Variants in PLD5 observed in about 807,000 individuals in gnomAD.
PLD5 encodes phospholipase D family member 5, also known as inactive phospholipase D5.
PLD5 carries 36 observed loss-of-function variants against 61.1 expected under a neutral mutation model. The observed-to-expected ratio is 0.59, with a 90% CI of 0.45 to 0.78. PLD5 has a LOEUF of 0.78. PLD5 is among the 30% of genes least tolerant of loss of function. The probability of loss-of-function intolerance (pLI) is 0.00; values close to 1 mark genes in which losing one functional copy is unlikely to be tolerated. For synonymous variants in PLD5, 243 were observed against 242.8 expected (o/e 1.00, Z -0.01); for missense variants, 515 against 644.4 (o/e 0.80, Z 2.17).
At chr1:242,390,705 G>A (rs1358437723) in intron 1 of PLD5, among the ~76,000 whole-genome samples, 3 of 152,136 alleles carry the variant, frequency 2.0e-5, no homozygotes, top group African/African-American at 7.2e-5. Context: ...TTAATATGTG[G>A]TTTGGCATGA....
intron 1 of PLD5, among the ~76,000 whole-genome samples, chr1:242,456,872 G>A (rs955608351): frequency 1.3e-5 from 2 of 152,120 alleles, no homozygotes; most frequent in South Asian, 2.1e-4. Flanking sequence ...ATCCCCGCCC[G>A]ACACTGCGTC....
At chr1:242,206,297 A>C (rs946180834) in intron 5 of PLD5, among the ~76,000 whole-genome samples, 2 of 152,194 alleles carry the variant, frequency 1.3e-5, no homozygotes, top group South Asian at 4.1e-4. Flanking sequence ...CCTCTGGCTG[A>C]GTTCTTACAG....
rs74150865 is a variant in PLD5, at chr1:242,221,951, C to T, written c.608-1836G>A. Among the ~76,000 whole-genome samples the T allele has an allele frequency of 8.9e-3, 1,361 of 152,224 alleles. 22 individuals carry two copies. The highest frequency in any genetic ancestry group is 0.031 in the African/African-American group (1,301 of 41,542). The stretch of plus-strand genomic sequence containing the variant: ...CTTAAAACAGCAGAAACTTATCCTC[C>T]GTTCTGGAGGTTAGAAGTCCAAAAC... On this transcript the variant is annotated intron_variant, in intron 4 of 9. Coordinates refer to ENST00000536534, the MANE Select transcript of PLD5 (RefSeq NM_001372062.1).
At chr1:242,362,964 C>T (rs114246977) in intron 1 of PLD5, among the ~76,000 whole-genome samples, 3,232 of 152,230 alleles carry the variant, frequency 0.021, 51 homozygotes, top group East Asian at 0.033. Flanking sequence ...AGCAGGACCT[C>T]GAAAGAGTCC....
At chr1:242,173,509 C>T (rs1290418205) in intron 5 of PLD5, among the ~76,000 whole-genome samples, 2 of 152,146 alleles carry the variant, frequency 1.3e-5, no homozygotes, top group African/African-American at 2.4e-5. Context: ...CCATCCCCAT[C>T]AAGCTACCAA....
intron 5 of PLD5, among the ~76,000 whole-genome samples, chr1:242,182,121 A>G (rs1293756358): frequency 5.3e-5 from 8 of 152,122 alleles, no homozygotes; most frequent in African/African-American, 1.9e-4. Flanking sequence ...TAAAGGGAGA[A>G]CTCAGTTGGC....
intron 1 of PLD5, among the ~76,000 whole-genome samples, chr1:242,357,805 C>T (rs1660842342): frequency 6.6e-6 from 1 of 152,056 alleles, no homozygotes; most frequent in African/African-American, 2.4e-5. Flanking sequence ...CTTTTTGATC[C>T]AATATTTCTT....
At chr1:242,338,377 G>A (rs1659646992) in intron 2 of PLD5, among the ~76,000 whole-genome samples, 1 of 151,962 alleles carries the variant, frequency 6.6e-6, no homozygotes, top group Non-Finnish European at 1.5e-5. Flanking sequence ...CAGGTTGTCT[G>A]TGGAAAACAC....
At chr1:242,121,965 T>C (rs1006850973) in intron 6 of PLD5, among the ~76,000 whole-genome samples, 2 of 138,908 alleles carry the variant, frequency 1.4e-5, no homozygotes, top group Non-Finnish European at 3.1e-5. Context: ...GGGGGAGGGA[T>C]AGCATTAGGA....
At chr1:242,363,596 T>G (rs1311840563) in intron 1 of PLD5, among the ~76,000 whole-genome samples, 1 of 151,632 alleles carries the variant, frequency 6.6e-6, no homozygotes. Context: ...ACCTCTGGCA[T>G]CTAGTAATAT....
At chr1:242,117,150 T>C (rs1296547161) in intron 6 of PLD5, among the ~76,000 whole-genome samples, 1 of 152,144 alleles carries the variant, frequency 6.6e-6, no homozygotes, top group Non-Finnish European at 1.5e-5. Context: ...CTTGAACTAA[T>C]TGGGAGGGGT....
intron 2 of PLD5, among the ~76,000 whole-genome samples, chr1:242,339,654 T>C (rs564295693): frequency 4.6e-4 from 70 of 152,334 alleles, no homozygotes; most frequent in African/African-American, 1.6e-3. Context: ...GGGGTTGGCC[T>C]TCATTTATTT....
intron 4 of PLD5, among the ~76,000 whole-genome samples, chr1:242,248,990 A>G (rs1028310265): frequency 3.9e-5 from 6 of 152,116 alleles, no homozygotes; most frequent in African/African-American, 1.4e-4. Flanking sequence ...TCTAATAAAA[A>G]TACAAAAATT....
intron 1 of PLD5, among the ~76,000 whole-genome samples, chr1:242,381,345 C>T (rs970090826): frequency 3.4e-4 from 52 of 151,990 alleles, no homozygotes; most frequent in Middle Eastern, 6.8e-3. Flanking sequence ...GGGAGCTGAA[C>T]GATACATGGA....
chr1:242,145,433 G>A (rs1175709354), intron 5 of PLD5, among the ~76,000 whole-genome samples: 1 of 151,978 alleles, frequency 6.6e-6, no homozygotes, highest in Non-Finnish European at 1.5e-5. Flanking sequence ...GTATGTCGTG[G>A]ATGTTTGATA....
intron 1 of PLD5, among the ~76,000 whole-genome samples, chr1:242,404,785 T>A (rs1664132715): frequency 1.3e-5 from 2 of 151,450 alleles, no homozygotes; most frequent in African/African-American, 4.9e-5. Context: ...ACCCCTAATA[T>A]CTATGACTCC....
intron 5 of PLD5, among the ~76,000 whole-genome samples, chr1:242,194,229 A>C (rs1219962640): frequency 3.3e-5 from 5 of 152,182 alleles, no homozygotes; most frequent in African/African-American, 9.7e-5. Flanking sequence ...GATGGGCATC[A>C]GATACTCACA....
intron 4 of PLD5, among the ~76,000 whole-genome samples, chr1:242,258,006 G>A (rs1349044052): frequency 1.3e-5 from 2 of 152,120 alleles, no homozygotes; most frequent in African/African-American, 2.4e-5. Context: ...GATTCATCAC[G>A]CTGCATAGCT....
intron 1 of PLD5, among the ~76,000 whole-genome samples, chr1:242,386,390 C>T (rs906926145): frequency 3.9e-5 from 6 of 152,130 alleles, no homozygotes; most frequent in Admixed American, 2.0e-4. Flanking sequence ...TCCGTGTGAG[C>T]ATCAGTAACA....
Sources: allele counts gnomAD v4.1 joint callset (sites outside exome capture counted in the v4.1 genomes callset), GRCh38; gene constraint gnomAD v4.1.1; transcripts MANE v1.5; gene names NCBI Gene and HGNC (gene_info 2026-07-23, HGNC 2026-07-21).